SLC24A4: variants seen among roughly 807,000 people sequenced by gnomAD.
SLC24A4 encodes solute carrier family 24 member 4, also known as sodium/potassium/calcium exchanger 4.
Under a neutral mutation model 79.0 loss-of-function variants are expected in SLC24A4, and 53 were observed. The ratio of observed to expected loss-of-function variants is 0.67; its 90% CI spans 0.54 to 0.84. The LOEUF (loss-of-function observed/expected upper bound fraction) is 0.84. Ranked by LOEUF, SLC24A4 falls within the 40% of genes least tolerant of loss-of-function variation. SLC24A4 has a pLI of 0.00. For missense variants in SLC24A4, 731 were observed against 822.0 expected, an observed-to-expected ratio of 0.89 and a Z score of 1.35; for synonymous variants, 323 against 323.8, an observed-to-expected ratio of 1.00 and a Z score of 0.03.
chr14:92,474,839 G>GTGTT (rs1894658075), intron 12 of SLC24A4, among the ~76,000 whole-genome samples: 1 of 29,740 alleles, frequency 3.4e-5, no homozygotes, highest in Non-Finnish European at 7.3e-5. Context: ...ATGTGTGTGT[G>GTGTT]TGTGTATATA....
intron 2 of SLC24A4, among the ~76,000 whole-genome samples, chr14:92,421,569 G>A (rs1366472053): frequency 3.3e-5 from 5 of 152,114 alleles, no homozygotes; most frequent in South Asian, 4.2e-4. Flanking sequence ...GTGCAGTGGC[G>A]TGATATTGGC....
chr14:92,336,216 G>A (rs11621581), intron 2 of SLC24A4, among the ~76,000 whole-genome samples: 25,572 of 151,894 alleles, frequency 0.17, 2,760 homozygotes, highest in Admixed American at 0.28. Flanking sequence ...GTTGCCTTGG[G>A]TGAAAGAGAT....
At chr14:92,402,270 T>C (rs1890155072) in intron 2 of SLC24A4, among the ~76,000 whole-genome samples, 1 of 152,144 alleles carries the variant, frequency 6.6e-6, no homozygotes, top group Admixed American at 6.5e-5. Flanking sequence ...TACAACTTAA[T>C]TTAGGAAAGC....
chr14:92,457,768 G>A (rs1284035779), intron 12 of SLC24A4, among the ~76,000 whole-genome samples: 2 of 152,222 alleles, frequency 1.3e-5, no homozygotes, highest in Admixed American at 6.5e-5. Context: ...CCTGAAAGGA[G>A]GCAAGATTCC....
rs76801910 is a variant in SLC24A4 at position 92,461,602 on chromosome 14, G to A, written c.1255+4994G>A. 6.3e-3 allele frequency among the ~76,000 whole-genome samples: 958 copies of A among 152,146 alleles called. 9 individuals carry two copies. Among genetic ancestry groups the A allele is most frequent in the African/African-American group, 0.022 (902 of 41,484 alleles). ...ATCTTTCTCTTCCTCTTCTTCTGAG[G>A]CCACTATTGAATTAGGACCCCACTC... On this transcript the variant is annotated intron_variant, in intron 12 of 16. Transcript: ENST00000532405.
Position 92,456,591 on chromosome 14 carries a change from C to A in SLC24A4, c.1238C>A (p.Ser413Tyr). 2 of 1,613,516 alleles carry A rather than the reference C, an allele frequency of 1.2e-6. No homozygotes were observed. Among genetic ancestry groups the A allele is most frequent in the Non-Finnish European group, 1.7e-6 (2 of 1,179,824 alleles). ...EPEPVEADFLSPFSVPEARGD... is the reference protein window; with the variant it reads ...EPEPVEADFLYPFSVPEARGD... ...GAGCCGGTGGAGGCTGACTTCCTGT[C>A]CCCCTTCTCCGTGCCGGGTGAGTTC... Residue 413 changes from serine (S) to tyrosine (Y), a missense_variant, in exon 12 of 17, where the codon TCC becomes TAC. Ser to Tyr is a moderately radical substitution (Grantham distance 144). Transcript: ENST00000532405.
chr14:92,456,252 G>A (rs551790980), intron 11 of SLC24A4, 152 bp from the exon 12 acceptor site: 4 of 670,648 alleles, frequency 6.0e-6, no homozygotes, highest in African/African-American at 3.6e-5. Flanking sequence ...AGGATTCCAA[G>A]GTCCTGGGGC....
At chr14:92,483,640 C>T (rs990156596) in intron 13 of SLC24A4, 2 of 917,802 alleles carry the variant, frequency 2.2e-6, no homozygotes, top group Non-Finnish European at 3.1e-6. Flanking sequence ...ATCGGCTGGG[C>T]TGGGCTGGGT....
chr14:92,394,492 C>A (rs1044725642), intron 2 of SLC24A4, among the ~76,000 whole-genome samples: 2 of 152,224 alleles, frequency 1.3e-5, no homozygotes, highest in East Asian at 3.9e-4. Flanking sequence ...ATAGTCCCAG[C>A]CACGCAGGAG....
At chr14:92,342,295 G>A (rs1886188827) in intron 2 of SLC24A4, among the ~76,000 whole-genome samples, 1 of 74,568 alleles carries the variant, frequency 1.3e-5, no homozygotes, top group Admixed American at 1.8e-4. Flanking sequence ...GATACAGGAG[G>A]TCTGGGGTGG....
At position 92,491,705 on chromosome 14, in the gene SLC24A4, C is replaced by T. The variant is rs758612286; in HGVS notation, c.1578C>T (p.Asn526=). The change falls in exon 15 of 17, where the codon AAC becomes AAT. Residue 526 remains asparagine, a synonymous_variant. Coordinates refer to ENST00000532405, the MANE Select transcript of SLC24A4 (RefSeq NM_153646.4). ...CAGTCTCCAACACCATAGGAAGCAACGTGTTTGACATCCTGGTAGGACTTG... is the reference window on the plus strand; with the variant it reads ...CAGTCTCCAACACCATAGGAAGCAATGTGTTTGACATCCTGGTAGGACTTG... The part of the protein sequence containing the change: ...DMAVSNTIGS[N]VFDILVGLGV... 30 of 1,613,846 alleles carry T rather than the reference C, an allele frequency of 1.9e-5. No individual in the cohort carries two copies. Among genetic ancestry groups the T allele is most frequent in the South Asian group, 6.6e-5 (6 of 91,080 alleles).
chr14:92,389,176 C>T (rs4904887), intron 2 of SLC24A4, among the ~76,000 whole-genome samples: 1 of 151,984 alleles, frequency 6.6e-6, no homozygotes, highest in East Asian at 1.9e-4. Context: ...GTGTCTATTC[C>T]TATGTATGTT....
At chr14:92,380,560 T>G (rs541701529) in intron 2 of SLC24A4, among the ~76,000 whole-genome samples, 1 of 152,362 alleles carries the variant, frequency 6.6e-6, no homozygotes, top group Non-Finnish European at 1.5e-5. Flanking sequence ...AAAGAGGTGA[T>G]GCATTCCTGA....
chr14:92,430,112 CA>C (rs1176309828), intron 2 of SLC24A4, among the ~76,000 whole-genome samples: 1 of 152,216 alleles, frequency 6.6e-6, no homozygotes, highest in Non-Finnish European at 1.5e-5. Flanking sequence ...CTTTCTGGAT[CA>C]GGGGATTTCC....
intron 14 of SLC24A4, among the ~76,000 whole-genome samples, chr14:92,487,203 G>C (rs1895417004): frequency 6.6e-6 from 1 of 152,184 alleles, no homozygotes; most frequent in African/African-American, 2.4e-5. Flanking sequence ...ATAATGTTTT[G>C]GTTTGTTTGG....
chr14:92,395,432 AACACAC>A (rs60360408), intron 2 of SLC24A4, among the ~76,000 whole-genome samples: 8,943 of 144,878 alleles, frequency 0.062, 912 homozygotes, highest in African/African-American at 0.21. Flanking sequence ...AACAAAACAA[AACACAC>A]ACACACACAC....
intron 2 of SLC24A4, among the ~76,000 whole-genome samples, chr14:92,380,272 G>A (rs1888763988): frequency 6.6e-6 from 1 of 152,246 alleles, no homozygotes; most frequent in Non-Finnish European, 1.5e-5. Flanking sequence ...CGAGGGGAAT[G>A]TTAAGCTCTA....
chr14:92,434,046 A>C, intron 3 of SLC24A4, 58 bp downstream of exon 3: 2 of 1,288,152 alleles, frequency 1.6e-6, no homozygotes, highest in Non-Finnish European at 2.3e-6. Context: ...CTCTCTGCAC[A>C]GCGGGGCAGA....
In SLC24A4 at chr14:92,498,998, G is replaced by C. The variant is rs1472150892; in HGVS notation, c.*5370G>C. The C allele has an allele frequency of 1.3e-5, 2 of 152,222 alleles. No individual in the cohort carries two copies. The highest frequency in any genetic ancestry group is 4.8e-5 in the African/African-American group (2 of 41,448). 9.4% of individuals were successfully genotyped at this position (152,222 alleles called of 1,614,324 possible). ...TTTTCCCTCCTGTTCTGCAACCAGG[G>C]TGGAGCTATCTTTCCAGGGAAGCCA... On this transcript the variant is annotated 3_prime_UTR_variant, in exon 17 of 17. Transcript: ENST00000532405.
Sources: gnomAD v4.1 joint callset for allele counts (sites outside exome capture counted in the v4.1 genomes callset) on GRCh38, gnomAD v4.1.1 for gene constraint, MANE v1.5 for transcripts, NCBI Gene and HGNC (gene_info 2026-07-23, HGNC 2026-07-21) for gene names.